CGNL1: variants seen among roughly 807,000 people sequenced by gnomAD.
CGNL1 encodes the protein cingulin like 1, also known as cingulin-like protein 1.
A neutral mutation model predicts 141.2 loss-of-function variants in CGNL1; 132 were observed. That is an observed-to-expected ratio of 0.93 (90% CI 0.81 to 1.08). The LOEUF (loss-of-function observed/expected upper bound fraction) is 1.08. CGNL1 is among the 50% of genes least tolerant of loss of function. The probability of loss-of-function intolerance (pLI) is 0.00; values close to 1 mark genes in which losing one functional copy is unlikely to be tolerated. For synonymous variants in CGNL1, 690 were observed against 622.1 expected, an observed-to-expected ratio of 1.11 and a Z score of -1.63; for missense variants, 1,870 against 1,588.6, an observed-to-expected ratio of 1.18 and a Z score of -3.01.
intron 1 of CGNL1, among the ~76,000 whole-genome samples, chr15:57,381,861 CGACCTTGT>C (rs1595640305): frequency 6.6e-6 from 1 of 152,152 alleles, no homozygotes; most frequent in Non-Finnish European, 1.5e-5. Context: ...AAGGCCACTG[CGACCTTGT>C]GATCCCAAGG....
chr15:57,383,615 TCTTTTCTTTTC>T (rs1567085352), intron 1 of CGNL1, among the ~76,000 whole-genome samples: 6 of 140,316 alleles, frequency 4.3e-5, no homozygotes, highest in African/African-American at 1.6e-4. Context: ...TCTTTTCTTT[TCTTTTCTTTTC>T]TTTTCTTTTT....
chr15:57,545,602 A>C lies in CGNL1; in HGVS notation c.3511A>C (p.Asn1171His). ...RLESEERDRA[N>H]LQLSNRRLER... Reference sequence around the variant, plus strand: ...TCTCCCCTCTTCCAGGGATCGGGCCAATCTTCAGCTCAGCAACCGGCGGCT... The same window carrying C: ...TCTCCCCTCTTCCAGGGATCGGGCCCATCTTCAGCTCAGCAACCGGCGGCT... The change falls in exon 17 of 19, where the codon AAT (asparagine) becomes CAT (histidine). Residue 1171 changes from asparagine (N) to histidine (H), a missense_variant. By Grantham distance (68) the Asn-to-His change is moderately conservative (BLOSUM62 1). Coordinates refer to ENST00000281282, the MANE Select transcript of CGNL1 (RefSeq NM_032866.5). 2 of 1,613,314 alleles carry C rather than the reference A, an allele frequency of 1.2e-6. No homozygotes were observed. Among genetic ancestry groups the C allele is most frequent in the Non-Finnish European group, 1.7e-6 (2 of 1,179,834 alleles).
intron 8 of CGNL1, among the ~76,000 whole-genome samples, chr15:57,496,882 C>G (rs1258308129): frequency 6.6e-6 from 1 of 152,128 alleles, no homozygotes; most frequent in Non-Finnish European, 1.5e-5. Context: ...GTCTGGCCAC[C>G]AACAGATGGG....
chr15:57,423,780 G>T (rs150905738), intron 1 of CGNL1, among the ~76,000 whole-genome samples: 129 of 152,216 alleles, frequency 8.5e-4, no homozygotes, highest in African/African-American at 3.1e-3. Flanking sequence ...TGTCTTCTTA[G>T]TGTTGGCCTG....
At chr15:57,527,301 A>T (rs1380890962) in intron 12 of CGNL1, 1 of 152,184 alleles carries the variant, frequency 6.6e-6, no homozygotes, top group African/African-American at 2.4e-5. Flanking sequence ...AAGCTTTTCC[A>T]CGGGTTCTCC....
chr15:57,529,435 A>G (rs2031819614), intron 13 of CGNL1, among the ~76,000 whole-genome samples: 1 of 152,202 alleles, frequency 6.6e-6, no homozygotes, highest in Admixed American at 6.5e-5. Flanking sequence ...TATTAGAAAA[A>G]TGTAAATGAA....
At chr15:57,488,692 C>A (rs189836848) in intron 8 of CGNL1, among the ~76,000 whole-genome samples, 1 of 152,178 alleles carries the variant, frequency 6.6e-6, no homozygotes, top group African/African-American at 2.4e-5. Flanking sequence ...AGGCATGAAC[C>A]TTTCGAGTGC....
intron 10 of CGNL1, among the ~76,000 whole-genome samples, chr15:57,519,613 C>A (rs1255600977): frequency 6.6e-6 from 1 of 151,990 alleles, no homozygotes; most frequent in African/African-American, 2.4e-5. Flanking sequence ...TTTTTTATTT[C>A]TTTAAATCTA....
chr15:57,468,310 A>T lies in CGNL1; in HGVS notation c.2403+6418A>T, dbSNP rs141424941. 3.8e-3 allele frequency among the ~76,000 whole-genome samples: 484 copies of T among 127,834 alleles called. 5 individuals carry two copies. The highest frequency in any genetic ancestry group is 0.014 in the African/African-American group (457 of 32,358). 83.9% of individuals were successfully genotyped at this position (127,834 alleles called of 152,430 possible). A position where few individuals can be genotyped will look rare whatever the true frequency, so the allele number is the denominator to read the frequency against. The stretch of plus-strand genomic sequence containing the variant: ...GGCTGGAGTGCAGTGGCACGATCTC[A>T]GCTCACTTCAACCTCCGCCTCCTGG... On this transcript the variant is annotated intron_variant, in intron 8 of 18. Coordinates refer to ENST00000281282, the MANE Select transcript of CGNL1 (RefSeq NM_032866.5).
chr15:57,475,381 C>T (rs1402835594), intron 8 of CGNL1, among the ~76,000 whole-genome samples: 1 of 152,098 alleles, frequency 6.6e-6, no homozygotes, highest in Non-Finnish European at 1.5e-5. Flanking sequence ...TGGGACTTTG[C>T]TTTGCAATCC....
chr15:57,434,881 G>A (rs74586091), intron 1 of CGNL1, among the ~76,000 whole-genome samples: 7 of 152,080 alleles, frequency 4.6e-5, no homozygotes, highest in African/African-American at 1.7e-4. Context: ...AAAACTACTG[G>A]AAGTGTCTTC....
At chr15:57,473,899 C>CTTCTT (rs1491382432) in intron 8 of CGNL1, among the ~76,000 whole-genome samples, 7 of 70,680 alleles carry the variant, frequency 9.9e-5, no homozygotes, top group Admixed American at 1.9e-4. Context: ...TCTTCTTCTT[C>CTTCTT]TTTTTTTTTT....
intron 1 of CGNL1, among the ~76,000 whole-genome samples, chr15:57,435,414 TG>T (rs58631255): frequency 0.58 from 80,395 of 138,450 alleles, 23,011 homozygotes; most frequent in Middle Eastern, 0.68. Flanking sequence ...CAGGTTTTTT[TG>T]TTTTTTTTTT....
chr15:57,441,699 T>G (rs1384691052), intron 3 of CGNL1, among the ~76,000 whole-genome samples: 2 of 152,168 alleles, frequency 1.3e-5, no homozygotes, highest in Admixed American at 1.3e-4. Context: ...ATGTATGTAT[T>G]TTTTGGCACA....
At chr15:57,404,724 T>C (rs2062696021) in intron 1 of CGNL1, among the ~76,000 whole-genome samples, 1 of 152,116 alleles carries the variant, frequency 6.6e-6, no homozygotes, top group Non-Finnish European at 1.5e-5. Flanking sequence ...AAAGAGGTCA[T>C]GGAATAAATC....
chr15:57,506,572 G>A (rs1483265478), intron 8 of CGNL1, among the ~76,000 whole-genome samples: 1 of 152,198 alleles, frequency 6.6e-6, no homozygotes, highest in Non-Finnish European at 1.5e-5. Flanking sequence ...GAAGCCCCCA[G>A]CTGGCAGGTT....
intron 8 of CGNL1, among the ~76,000 whole-genome samples, chr15:57,469,294 C>T (rs1251093516): frequency 6.6e-6 from 1 of 151,338 alleles, no homozygotes; most frequent in Non-Finnish European, 1.5e-5. Context: ...AATGGAAAGG[C>T]TAATGAGTTC....
intron 1 of CGNL1, among the ~76,000 whole-genome samples, chr15:57,396,030 T>G (rs1376170682): frequency 6.6e-6 from 1 of 152,240 alleles, no homozygotes; most frequent in Non-Finnish European, 1.5e-5. Context: ...TCATACAGTA[T>G]GTACTCTTTG....
chr15:57,524,201 A>C (rs2031459027), intron 11 of CGNL1, among the ~76,000 whole-genome samples: 1 of 152,206 alleles, frequency 6.6e-6, no homozygotes. Context: ...TCTGCTGATA[A>C]AATTTTATCT....
Sources: gnomAD v4.1 joint callset for allele counts (sites outside exome capture counted in the v4.1 genomes callset) on GRCh38, gnomAD v4.1.1 for gene constraint, MANE v1.5 for transcripts, NCBI Gene and HGNC (gene_info 2026-07-23, HGNC 2026-07-21) for gene names.